Variants in TAOK3 observed in about 807,000 individuals in gnomAD.
TAOK3 encodes serine/threonine-protein kinase TAO3.
Under a neutral mutation model 120.4 loss-of-function variants are expected in TAOK3, and 40 were observed. That is an observed-to-expected ratio of 0.33 (90% CI 0.26 to 0.43). The LOEUF (loss-of-function observed/expected upper bound fraction) is 0.43. TAOK3 is among the 20% of genes least tolerant of loss of function. The probability of loss-of-function intolerance (pLI) is 1.00; values close to 1 mark genes in which losing one functional copy is unlikely to be tolerated. For missense variants in TAOK3, 821 were observed against 1,112.1 expected (o/e 0.74, Z 3.72); for synonymous variants, 355 against 387.5 (o/e 0.92, Z 0.99).
At chr12:118,247,034 A>C in intron 3 of TAOK3, 1 of 724,476 alleles carries the variant, frequency 1.4e-6, no homozygotes, top group Non-Finnish European at 2.2e-6. Flanking sequence ...TTATACCAGA[A>C]TATATATCAG....
At chr12:118,347,107 T>C (rs2044893334) in intron 1 of TAOK3, among the ~76,000 whole-genome samples, 1 of 152,128 alleles carries the variant, frequency 6.6e-6, no homozygotes, top group African/African-American at 2.4e-5. Context: ...CGTGCTCAAG[T>C]GATCCTCCAC....
chr12:118,323,711 T>C (rs941915097), intron 1 of TAOK3, among the ~76,000 whole-genome samples: 3 of 152,202 alleles, frequency 2.0e-5, no homozygotes, highest in East Asian at 1.9e-4. Context: ...TGCAGAACAG[T>C]ATATGTCATA....
chr12:118,261,924 G>A (rs1183293786), intron 2 of TAOK3, among the ~76,000 whole-genome samples: 1 of 151,966 alleles, frequency 6.6e-6, no homozygotes, highest in African/African-American at 2.4e-5. Flanking sequence ...GCAGTGGCAC[G>A]ATCTTGGCTC....
intron 2 of TAOK3, among the ~76,000 whole-genome samples, chr12:118,264,535 T>C (rs1394599842): frequency 2.6e-5 from 4 of 152,078 alleles, no homozygotes; most frequent in South Asian, 4.2e-4. Context: ...AGAAATCATA[T>C]CAGTGGTTAC....
Position 118,179,643 on chromosome 12 carries a change from GT to G in TAOK3, c.1566+1727del, listed in dbSNP as rs566111629. Among the ~76,000 whole-genome samples the G allele has an allele frequency of 2.9e-3, 360 of 123,628 alleles. 1 individual carries two copies. Among genetic ancestry groups the G allele is most frequent in the South Asian group, 7.9e-3 (30 of 3,794 alleles). 81.1% of individuals were successfully genotyped at this position (123,628 alleles called of 152,430 possible). ...TTATGACTATCTGCCTTACCCTTCT[GT>G]TTTTTTTTTTTTTTTTTCAGTCGGA... On this transcript the variant is annotated intron_variant, in intron 15 of 20. Transcript: ENST00000392533.
intron 1 of TAOK3, among the ~76,000 whole-genome samples, chr12:118,361,452 AT>A (rs556748789): frequency 2.7e-5 from 4 of 149,268 alleles, no homozygotes; most frequent in Non-Finnish European, 3.0e-5. Flanking sequence ...CTTCCTTAGG[AT>A]TTTTTTTTCT....
intron 9 of TAOK3, among the ~76,000 whole-genome samples, chr12:118,226,747 A>G (rs1284043230): frequency 1.3e-5 from 2 of 152,186 alleles, no homozygotes; most frequent in Non-Finnish European, 2.9e-5. Flanking sequence ...TCAGTAAATC[A>G]TTTTATAAAA....
chr12:118,330,347 T>C (rs1302936144), intron 1 of TAOK3, among the ~76,000 whole-genome samples: 1 of 152,230 alleles, frequency 6.6e-6, no homozygotes, highest in African/African-American at 2.4e-5. Flanking sequence ...TGTTTTTATA[T>C]ATGCCAATAT....
chr12:118,180,168 G>A (rs1362794710), intron 15 of TAOK3, among the ~76,000 whole-genome samples: 18 of 143,778 alleles, frequency 1.3e-4, no homozygotes, highest in East Asian at 8.4e-4. Context: ...GGCTGGTCTC[G>A]AATTCCTGAC....
chr12:118,248,751 A>C (rs1325973663), intron 3 of TAOK3, among the ~76,000 whole-genome samples: 1 of 152,132 alleles, frequency 6.6e-6, no homozygotes, highest in Non-Finnish European at 1.5e-5. Flanking sequence ...AAAAATAACC[A>C]CCCTAAAATA....
At chr12:118,170,995 G>C (rs2035964173) in intron 17 of TAOK3, among the ~76,000 whole-genome samples, 1 of 152,152 alleles carries the variant, frequency 6.6e-6, no homozygotes, top group Non-Finnish European at 1.5e-5. Flanking sequence ...CTCAGACTTT[G>C]ATACTGTTAC....
intron 9 of TAOK3, among the ~76,000 whole-genome samples, chr12:118,228,302 C>T (rs1442647352): frequency 6.6e-6 from 1 of 151,888 alleles, no homozygotes; most frequent in Non-Finnish European, 1.5e-5. Context: ...CAGGCATGCA[C>T]CACCATGCCC....
At chr12:118,240,980 T>C (rs570358022) in intron 5 of TAOK3, among the ~76,000 whole-genome samples, 1 of 149,512 alleles carries the variant, frequency 6.7e-6, no homozygotes, top group East Asian at 1.9e-4. Context: ...TTATATATTA[T>C]AAATATCAAT....
chr12:118,347,462 G>A (rs758499909), intron 1 of TAOK3, among the ~76,000 whole-genome samples: 1 of 152,066 alleles, frequency 6.6e-6, no homozygotes, highest in Non-Finnish European at 1.5e-5. Flanking sequence ...AGGGGAGGAG[G>A]GGGAGCTTTT....
At chr12:118,195,621 A>G (rs771901283) in intron 13 of TAOK3, among the ~76,000 whole-genome samples, 4 of 152,228 alleles carry the variant, frequency 2.6e-5, no homozygotes, top group Non-Finnish European at 4.4e-5. Context: ...AAGAACTACC[A>G]GTCTAGAGAT....
chr12:118,253,753 AAC>A (rs1199384187), intron 3 of TAOK3, among the ~76,000 whole-genome samples: 88 of 17,000 alleles, frequency 5.2e-3, no homozygotes, highest in East Asian at 0.034. Context: ...CAAACAAACA[AAC>A]AAAAAAAAAA....
chr12:118,334,586 G>C (rs2044284044), intron 1 of TAOK3, among the ~76,000 whole-genome samples: 1 of 152,056 alleles, frequency 6.6e-6, no homozygotes, highest in African/African-American at 2.4e-5. Context: ...TGAAAAATTT[G>C]TTTCGGAGGC....
At chr12:118,222,384 T>G (rs1385753032) in intron 9 of TAOK3, among the ~76,000 whole-genome samples, 1 of 151,944 alleles carries the variant, frequency 6.6e-6, no homozygotes, top group Admixed American at 6.6e-5. Flanking sequence ...AATACAAAAA[T>G]TAGCTGGGTG....
Position 118,160,713 on chromosome 12 carries a change from T to G in TAOK3, c.2140-355A>C, listed in dbSNP as rs2035159579. ...ATGCTTTCCTAGTCAGACACTTCAGTGTCTTCCATTGTTCATTGTTTTTCC... is the reference window on the plus strand; with the variant it reads ...ATGCTTTCCTAGTCAGACACTTCAGGGTCTTCCATTGTTCATTGTTTTTCC... On this transcript the variant is annotated intron_variant, in intron 18 of 20. Coordinates refer to ENST00000392533, the MANE Select transcript of TAOK3 (RefSeq NM_016281.4). This position sits in a 1 kb window ranked among gnomAD's most constrained non-coding sequence, Gnocchi z 4.2. Among the ~76,000 whole-genome samples the G allele has an allele frequency of 6.6e-6, 1 of 152,206 alleles. No individual in the cohort carries two copies. The highest frequency in any genetic ancestry group is 1.5e-5 in the Non-Finnish European group (1 of 68,038).
Sources: gnomAD v4.1 joint callset for allele counts (sites outside exome capture counted in the v4.1 genomes callset) on GRCh38, gnomAD v4.1.1 for gene constraint, Gnocchi (gnomAD v3.1) non-coding constraint, MANE v1.5 for transcripts, NCBI Gene and HGNC (gene_info 2026-07-23, HGNC 2026-07-21) for gene names.